Variants in PML observed in about 807,000 individuals in gnomAD.
The protein encoded by PML is PML nuclear body scaffold.
A neutral mutation model predicts 65.2 loss-of-function variants in PML; 28 were observed. That is an observed-to-expected ratio of 0.43 (90% CI 0.32 to 0.59). PML has a LOEUF of 0.59. Among genes scored for constraint, PML ranks in the 20% least tolerant of loss-of-function variants. The pLI, the probability that PML is intolerant of heterozygous loss-of-function variation, is 0.08. For missense variants in PML, 1,021 were observed against 1,203.4 expected, an observed-to-expected ratio of 0.85 and a Z score of 2.24; for synonymous variants, 500 against 508.8, an observed-to-expected ratio of 0.98 and a Z score of 0.23.
intron 2 of PML, among the ~76,000 whole-genome samples, chr15:74,010,868 C>A (rs568021219): frequency 6.6e-6 from 1 of 152,256 alleles, no homozygotes; most frequent in South Asian, 2.1e-4. Context: ...GTCAGGGAAA[C>A]CCTGATATTT....
Position 74,047,289 on chromosome 15 carries a change from G to C in PML, c.*2281G>C. The C allele has an allele frequency of 4.3e-6, 1 of 230,482 alleles. No homozygotes were observed. The highest frequency in any genetic ancestry group is 8.6e-6 in the Non-Finnish European group (1 of 116,322). 14.3% of individuals were successfully genotyped at this position (230,482 alleles called of 1,614,324 possible). A position where few individuals can be genotyped will look rare whatever the true frequency, so the allele number is the denominator to read the frequency against. ...GGTGGAGCTTCAGTTAGTACCCGAG[G>C]GATTCCCCTGGCACAAGCATTATAG... On this transcript the variant is annotated 3_prime_UTR_variant, in exon 9 of 9. Coordinates refer to ENST00000268058, the MANE Select transcript of PML (RefSeq NM_033238.3).
chr15:74,000,305 T>C (rs1424469219), intron 2 of PML, among the ~76,000 whole-genome samples: 1 of 152,030 alleles, frequency 6.6e-6, no homozygotes, highest in Non-Finnish European at 1.5e-5. Flanking sequence ...CTTTATTTTT[T>C]ATTTTATTTT....
chr15:74,031,125 A>C, intron 4 of PML: 2 of 293,150 alleles, frequency 6.8e-6, no homozygotes, highest in South Asian at 6.5e-5. Context: ...CTTACCCATG[A>C]AGCAGTCAGT....
Position 74,047,478 on chromosome 15 carries a change from C to T in PML, c.*2470C>T, listed in dbSNP as rs2071782542. ...AAGAAGATCCAGTCCCAATATGTCA[C>T]CTGTGCTTCATCTTTGGACTATATC... On this transcript the variant is annotated 3_prime_UTR_variant, in exon 9 of 9. Coordinates refer to ENST00000268058, the MANE Select transcript of PML (RefSeq NM_033238.3). The T allele has an allele frequency of 4.4e-6, 1 of 225,788 alleles. No individual in the cohort carries two copies. Among genetic ancestry groups the T allele is most frequent in the Non-Finnish European group, 8.8e-6 (1 of 113,372 alleles). 14.0% of individuals were successfully genotyped at this position (225,788 alleles called of 1,614,324 possible).
rs745604382 is a variant in PML, at chr15:74,043,232, G to T, written c.1861+93G>T. The T allele has an allele frequency of 2.5e-6, 4 of 1,606,606 alleles. No individual in the cohort carries two copies. Among genetic ancestry groups the T allele is most frequent in the Non-Finnish European group, 3.4e-6 (4 of 1,176,380 alleles). On this transcript the variant is annotated intron_variant, in intron 8 of 8. Transcript: ENST00000268058. This position sits in a 1 kb window ranked among gnomAD's most constrained non-coding sequence, Gnocchi z 4.3. The stretch of plus-strand genomic sequence containing the variant: ...GCAGAGCCATCTGCCAGGCCCAGGA[G>T]AGCTCTGAGCTCTGGCCAACAACTG...
At chr15:74,008,184 G>A (rs992043463) in intron 2 of PML, among the ~76,000 whole-genome samples, 1 of 152,214 alleles carries the variant, frequency 6.6e-6, no homozygotes, top group Admixed American at 6.5e-5. Flanking sequence ...GGGACTGCAC[G>A]TGCAAGGAAG....
At chr15:74,022,722 C>T (rs2070894231) in intron 2 of PML, 106 bp from the exon 3 acceptor site, 9 of 913,494 alleles carry the variant, frequency 9.9e-6, no homozygotes, top group Non-Finnish European at 1.6e-5. Context: ...TAGAAACATG[C>T]CATGATTCAA....
intron 2 of PML, among the ~76,000 whole-genome samples, chr15:74,011,011 A>G (rs2070310773): frequency 6.6e-6 from 1 of 152,210 alleles, no homozygotes; most frequent in South Asian, 2.1e-4. Flanking sequence ...GTAAGTGCAT[A>G]GGGGTCAAGC....
At chr15:74,008,696 G>A (rs1221285412) in intron 2 of PML, among the ~76,000 whole-genome samples, 1 of 150,484 alleles carries the variant, frequency 6.6e-6, no homozygotes, top group Non-Finnish European at 1.5e-5. Flanking sequence ...CCAAGATTGC[G>A]CCGATGCACT....
At position 74,035,687 on chromosome 15, in the gene PML, A is replaced by G. The variant is rs1290085764; in HGVS notation, c.1710+1157A>G. On this transcript the variant is annotated intron_variant, in intron 7 of 8. Coordinates refer to ENST00000268058, the MANE Select transcript of PML (RefSeq NM_033238.3). The surrounding 1 kb of genome is among the most constrained non-coding windows in gnomAD (Gnocchi z 4.1). The stretch of plus-strand genomic sequence containing the variant: ...GCTCCCTCCGGGGCTCCTCCCATTT[A>G]TCCCAGTGGCTCAACAACTTTTTTG... 1 of 1,613,982 alleles carries G rather than the reference A, an allele frequency of 6.2e-7. No homozygotes were observed. Among genetic ancestry groups the G allele is most frequent in the Non-Finnish European group, 8.5e-7 (1 of 1,179,990 alleles).
At position 74,042,703 on chromosome 15, in the gene PML, A is replaced by C. The variant is rs2071720959; in HGVS notation, c.1711-286A>C. On this transcript the variant is annotated intron_variant, in intron 7 of 8. Coordinates refer to ENST00000268058, the MANE Select transcript of PML (RefSeq NM_033238.3). This position sits in a 1 kb window ranked among gnomAD's most constrained non-coding sequence, Gnocchi z 5.3. ...ATGCACACACAGATTTAGCACTTGGATTCATTCCCACACATGCACGTTCAC... is the reference window on the plus strand; with the variant it reads ...ATGCACACACAGATTTAGCACTTGGCTTCATTCCCACACATGCACGTTCAC... 11 of 985,156 alleles carry C rather than the reference A, an allele frequency of 1.1e-5. No homozygotes were observed. The highest frequency in any genetic ancestry group is 1.3e-5 in the Non-Finnish European group (11 of 829,916). The allele number at this position is 985,156 out of a possible 1,614,324, so 61.0% of individuals were successfully genotyped here.
Position 74,007,599 on chromosome 15 carries a change from C to G in PML, c.602+9123C>G, listed in dbSNP as rs74453659. ...TTAGCAGCCACCTCGCTCTTTGACCCTGGGCTGATTTAGAGCTCACACTGG... is the reference window on the plus strand; with the variant it reads ...TTAGCAGCCACCTCGCTCTTTGACCGTGGGCTGATTTAGAGCTCACACTGG... On this transcript the variant is annotated intron_variant, in intron 2 of 8. Transcript: ENST00000268058. Among the ~76,000 whole-genome samples the G allele has an allele frequency of 7.7e-3, 1,171 of 152,350 alleles. 10 individuals carry two copies. The highest frequency in any genetic ancestry group is 0.026 in the African/African-American group (1,101 of 41,576).
chr15:74,035,236 C>A lies in PML; in HGVS notation c.1710+706C>A. The A allele has an allele frequency of 6.2e-7, 1 of 1,604,438 alleles. No homozygotes were observed. Among genetic ancestry groups the A allele is most frequent in the South Asian group, 1.1e-5 (1 of 90,878 alleles). On this transcript the variant is annotated intron_variant, in intron 7 of 8. Coordinates refer to ENST00000268058, the MANE Select transcript of PML (RefSeq NM_033238.3). This position sits in a 1 kb window ranked among gnomAD's most constrained non-coding sequence, Gnocchi z 4.1. The stretch of plus-strand genomic sequence containing the variant: ...CCAGCCCACTCCTCGCCAGCCCACT[C>A]CTCGCCAGCCCACTCCTCGCCAGTC...
intron 1 of PML, 51 bp from the exon 2 acceptor site, chr15:73,997,953 T>G (rs1595874911): frequency 6.5e-7 from 1 of 1,527,708 alleles, no homozygotes; most frequent in Non-Finnish European, 9.1e-7. Flanking sequence ...GGCCGGTAGG[T>G]GGGGGCTTTT....
At chr15:74,021,677 T>C (rs1270823247) in intron 2 of PML, among the ~76,000 whole-genome samples, 1 of 151,818 alleles carries the variant, frequency 6.6e-6, no homozygotes, top group Non-Finnish European at 1.5e-5. Context: ...AACAAAAGCT[T>C]CCATGATTAG....
chr15:74,019,021 G>T (rs767252898), intron 2 of PML, among the ~76,000 whole-genome samples: 1 of 152,180 alleles, frequency 6.6e-6, no homozygotes, highest in Non-Finnish European at 1.5e-5. Context: ...CTGGCCCTGG[G>T]TGGCAGCCCT....
chr15:74,023,615 C>T (rs757577836), intron 3 of PML, among the ~76,000 whole-genome samples: 3 of 152,270 alleles, frequency 2.0e-5, no homozygotes, highest in Middle Eastern at 6.8e-3. Flanking sequence ...AGAGGGGACA[C>T]ATTTTACTAA....
intron 2 of PML, among the ~76,000 whole-genome samples, chr15:74,003,160 G>A (rs1001152630): frequency 5.9e-5 from 9 of 151,584 alleles, no homozygotes; most frequent in Admixed American, 2.6e-4. Flanking sequence ...TGGGCCAGGC[G>A]CAGTGGCTCA....
Position 74,035,174 on chromosome 15 carries a change from C to A in PML, c.1710+644C>A. 7.9e-7 allele frequency: 1 copy of A among 1,262,462 alleles called. No individual in the cohort carries two copies. The highest frequency in any genetic ancestry group is 1.2e-6 in the Non-Finnish European group (1 of 860,006). 78.2% of individuals were successfully genotyped at this position (1,262,462 alleles called of 1,614,324 possible). On this transcript the variant is annotated intron_variant, in intron 7 of 8. Transcript: ENST00000268058. The surrounding 1 kb of genome is among the most constrained non-coding windows in gnomAD (Gnocchi z 4.1). Reference sequence around the variant, plus strand: ...GTCTGAGGTTCTGTATTGGAAAGTGCATGGAGCCCATGGAGACCGCCGAGC... The same window carrying A: ...GTCTGAGGTTCTGTATTGGAAAGTGAATGGAGCCCATGGAGACCGCCGAGC...
Sources: gnomAD v4.1 joint callset for allele counts (sites outside exome capture counted in the v4.1 genomes callset) on GRCh38, gnomAD v4.1.1 for gene constraint, Gnocchi (gnomAD v3.1) non-coding constraint, MANE v1.5 for transcripts, NCBI Gene and HGNC (gene_info 2026-07-23, HGNC 2026-07-21) for gene names.